The following PTPRD variants were observed in gnomAD, a reference collection of about 807,000 sequenced individuals.
PTPRD encodes the protein receptor-type tyrosine-protein phosphatase delta.
PTPRD carries 34 observed loss-of-function variants against 214.5 expected under a neutral mutation model. The observed-to-expected ratio is 0.16, with a 90% CI of 0.12 to 0.21. The LOEUF is 0.21. Ranked by LOEUF, PTPRD falls within the 10% of genes least tolerant of loss-of-function variation. PTPRD has a pLI of 1.00. For missense variants in PTPRD, 2,545 were observed against 2,398.7 expected (o/e 1.06, Z -1.27); for synonymous variants, 1,128 against 845.7 (o/e 1.33, Z -5.79).
At chr9:10,410,355 A>C (rs910689211) in intron 2 of PTPRD, among the ~76,000 whole-genome samples, 19 of 149,542 alleles carry the variant, frequency 1.3e-4, no homozygotes, top group African/African-American at 4.4e-4. Flanking sequence ...CTCTCTCTGC[A>C]TCTCTATCTT....
intron 11 of PTPRD, among the ~76,000 whole-genome samples, chr9:8,763,530 A>G (rs2094531145): frequency 6.6e-6 from 1 of 151,788 alleles, no homozygotes; most frequent in Non-Finnish European, 1.5e-5. Context: ...TAAAGGCAAT[A>G]ATTATGTATT....
intron 5 of PTPRD, among the ~76,000 whole-genome samples, chr9:9,839,035 A>G (rs1379401034): frequency 2.0e-5 from 3 of 152,088 alleles, no homozygotes; most frequent in Non-Finnish European, 4.4e-5. Context: ...TCCTTTCCCC[A>G]TTGCTTGTTT....
intron 9 of PTPRD, among the ~76,000 whole-genome samples, chr9:9,297,515 T>C (rs1321556263): frequency 6.6e-6 from 1 of 151,662 alleles, no homozygotes; most frequent in Non-Finnish European, 1.5e-5. Context: ...TTAAATGTTA[T>C]TGACTATCTT....
intron 11 of PTPRD, among the ~76,000 whole-genome samples, chr9:8,818,549 C>T (rs1163966839): frequency 6.6e-6 from 1 of 152,120 alleles, no homozygotes; most frequent in African/African-American, 2.4e-5. Context: ...TCTCATTTTA[C>T]AGATTAAAAC....
chr9:8,859,560 T>C (rs1361098258), intron 11 of PTPRD, among the ~76,000 whole-genome samples: 2 of 152,124 alleles, frequency 1.3e-5, no homozygotes, highest in African/African-American at 2.4e-5. Context: ...ACAATACTTA[T>C]CCCTGCAGAC....
intron 9 of PTPRD, among the ~76,000 whole-genome samples, chr9:9,302,726 C>T (rs1279676143): frequency 6.7e-6 from 1 of 149,860 alleles, no homozygotes; most frequent in Non-Finnish European, 1.5e-5. Context: ...TCTGATATTA[C>T]CTTTTTCCTT....
At chr9:8,786,675 A>G (rs1395779876) in intron 11 of PTPRD, among the ~76,000 whole-genome samples, 1 of 151,550 alleles carries the variant, frequency 6.6e-6, no homozygotes, top group East Asian at 1.9e-4. Context: ...TCGGCATCCT[A>G]AAGTGCTGGG....
intron 8 of PTPRD, among the ~76,000 whole-genome samples, chr9:9,439,311 A>G (rs574816240): frequency 3.9e-5 from 6 of 152,300 alleles, no homozygotes; most frequent in Non-Finnish European, 7.4e-5. Context: ...TCATTCATGC[A>G]TAACATACTC....
intron 11 of PTPRD, among the ~76,000 whole-genome samples, chr9:8,834,092 G>C (rs759422700): frequency 6.6e-6 from 1 of 151,950 alleles, no homozygotes; most frequent in African/African-American, 2.4e-5. Context: ...AATCCTGGTA[G>C]AAATATAATG....
At chr9:8,780,319 G>C (rs144397402) in intron 11 of PTPRD, among the ~76,000 whole-genome samples, 2 of 152,100 alleles carry the variant, frequency 1.3e-5, no homozygotes, top group African/African-American at 4.8e-5. Flanking sequence ...TTCCCCGAGA[G>C]TAGGTGTAAA....
chr9:10,447,283 T>A (rs1270955420), intron 2 of PTPRD, among the ~76,000 whole-genome samples: 2 of 151,998 alleles, frequency 1.3e-5, no homozygotes, highest in South Asian at 4.1e-4. Context: ...TGCAGAGAAA[T>A]AATTGTCATG....
rs546274808 is a variant in PTPRD at position 9,131,211 on chromosome 9, C to T, written c.-143+52093G>A. Among the ~76,000 whole-genome samples, 6 of 152,282 alleles carry T rather than the reference C, an allele frequency of 3.9e-5. No individual in the cohort carries two copies. In the East Asian group the frequency reaches 1.2e-3, roughly 29 times the overall value. ...TTTCCTTTGCATTGTCTCTGCTCTACTTACACGTTGATGCAAATTAAGTCT... is the reference window on the plus strand; with the variant it reads ...TTTCCTTTGCATTGTCTCTGCTCTATTTACACGTTGATGCAAATTAAGTCT... On this transcript the variant is annotated intron_variant, in intron 10 of 45. Coordinates refer to ENST00000381196, the MANE Select transcript of PTPRD (RefSeq NM_002839.4).
chr9:9,611,998 G>GA (rs1196935031), intron 7 of PTPRD, among the ~76,000 whole-genome samples: 10 of 151,652 alleles, frequency 6.6e-5, no homozygotes, highest in African/African-American at 2.2e-4. Context: ...TGTAAAATTA[G>GA]AAAAAATAAT....
At chr9:9,813,599 T>C (rs1432580931) in intron 5 of PTPRD, among the ~76,000 whole-genome samples, 2 of 152,040 alleles carry the variant, frequency 1.3e-5, no homozygotes, top group African/African-American at 2.4e-5. Context: ...AGACTAATAA[T>C]GATCATGCAA....
chr9:9,337,342 T>C (rs1595985231), intron 9 of PTPRD, among the ~76,000 whole-genome samples: 1 of 152,094 alleles, frequency 6.6e-6, no homozygotes, highest in South Asian at 2.1e-4. Context: ...CTCCTGCAGG[T>C]AGGGGGTGCT....
At chr9:9,346,727 T>C (rs922350002) in intron 9 of PTPRD, among the ~76,000 whole-genome samples, 1 of 152,052 alleles carries the variant, frequency 6.6e-6, no homozygotes, top group African/African-American at 2.4e-5. Context: ...AGTTTTGCTC[T>C]TGTTGCCCAG....
chr9:10,167,876 A>T (rs2099169222), intron 3 of PTPRD, among the ~76,000 whole-genome samples: 1 of 152,146 alleles, frequency 6.6e-6, no homozygotes, highest in Non-Finnish European at 1.5e-5. Context: ...TAGCTGTAAG[A>T]GTTCATACTG....
At chr9:10,137,856 C>T (rs970089452) in intron 3 of PTPRD, among the ~76,000 whole-genome samples, 4 of 151,712 alleles carry the variant, frequency 2.6e-5, no homozygotes, top group African/African-American at 9.7e-5. Flanking sequence ...AAAACAGAAA[C>T]ACAACATATC....
At chr9:8,397,026 C>T (rs965733323) in intron 36 of PTPRD, among the ~76,000 whole-genome samples, 1 of 152,074 alleles carries the variant, frequency 6.6e-6, no homozygotes, top group African/African-American at 2.4e-5. Flanking sequence ...GAAAATGCTG[C>T]AGAAACCATG....
Sources: allele counts gnomAD v4.1 joint callset (sites outside exome capture counted in the v4.1 genomes callset), GRCh38; gene constraint gnomAD v4.1.1; transcripts MANE v1.5; gene names NCBI Gene and HGNC (gene_info 2026-07-23, HGNC 2026-07-21).